COL23A1: variants seen among roughly 807,000 people sequenced by gnomAD.
The protein encoded by COL23A1 is collagen alpha-1(XXIII) chain.
Under a neutral mutation model 99.3 loss-of-function variants are expected in COL23A1, and 97 were observed. The observed-to-expected ratio is 0.98, with a 90% CI of 0.83 to 1.16. The LOEUF (loss-of-function observed/expected upper bound fraction) is 1.16. Ranked by LOEUF, COL23A1 falls within the 50% of genes most tolerant of loss-of-function variation. The pLI is 0.00. For synonymous variants in COL23A1, 320 were observed against 308.2 expected, an observed-to-expected ratio of 1.04 and a Z score of -0.40; for missense variants, 762 against 757.4, an observed-to-expected ratio of 1.01 and a Z score of -0.07.
chr5:178,562,214 C>G (rs1372328394), intron 1 of COL23A1: 1 of 352,926 alleles, frequency 2.8e-6, no homozygotes, highest in Admixed American at 3.4e-5. Context: ...CGCACTCCAG[C>G]CTGGATGCCA....
chr5:178,261,223 G>A (rs779644330), intron 11 of COL23A1, among the ~76,000 whole-genome samples: 4 of 152,004 alleles, frequency 2.6e-5, no homozygotes, highest in Admixed American at 1.3e-4. Flanking sequence ...GACTAGCCTG[G>A]CCAACATGGT....
chr5:178,563,354 AG>A (rs1285216531), intron 1 of COL23A1, among the ~76,000 whole-genome samples: 1 of 151,990 alleles, frequency 6.6e-6, no homozygotes, highest in African/African-American at 2.4e-5. Flanking sequence ...TGCTCCACCC[AG>A]GCGCAGCAGA....
rs7702955 is a variant in COL23A1 at position 178,498,253 on chromosome 5, T to A, written c.361+62429A>T. ...ATATATATATATATATATATATATA[T>A]ATATAAAAGAACTTAAAAATAAAAA... On this transcript the variant is annotated intron_variant, in intron 2 of 28. Coordinates refer to ENST00000390654, the MANE Select transcript of COL23A1 (RefSeq NM_173465.4). 9.2e-3 allele frequency among the ~76,000 whole-genome samples: 547 copies of A among 59,204 alleles called. 37 individuals are homozygous for A. The highest frequency in any genetic ancestry group is 0.067 in the African/African-American group (519 of 7,724). The allele number at this position is 59,204 out of a possible 152,430, so 38.8% of individuals were successfully genotyped here. A position where few individuals can be genotyped will look rare whatever the true frequency, so the allele number is the denominator to read the frequency against.
chr5:178,491,024 CAAAG>C (rs1562019398), intron 2 of COL23A1, among the ~76,000 whole-genome samples: 2 of 145,960 alleles, frequency 1.4e-5, no homozygotes. Context: ...CAGCGAGAGA[CAAAG>C]AAAGCTAAGA....
intron 1 of COL23A1, among the ~76,000 whole-genome samples, chr5:178,585,566 G>T (rs993625478): frequency 2.6e-5 from 4 of 151,840 alleles, no homozygotes; most frequent in Admixed American, 6.6e-5. Context: ...TGATGCTGGG[G>T]GTAACACTCC....
intron 2 of COL23A1, among the ~76,000 whole-genome samples, chr5:178,355,663 G>C (rs761237372): frequency 6.6e-6 from 1 of 152,212 alleles, no homozygotes; most frequent in Non-Finnish European, 1.5e-5. Flanking sequence ...CTCCCGAGTA[G>C]CTGGGACCAC....
chr5:178,415,781 G>A lies in COL23A1; in HGVS notation c.362-108862C>T, dbSNP rs986293222. On this transcript the variant is annotated intron_variant, in intron 2 of 28. Transcript: ENST00000390654. This position sits in a 1 kb window ranked among gnomAD's most constrained non-coding sequence, Gnocchi z 4.6. The stretch of plus-strand genomic sequence containing the variant: ...GCCCACAGAGAGCTCCCAGCCTAGC[G>A]GGAGGTAGACAGGCAAACAAGAAAG... 6.6e-6 allele frequency among the ~76,000 whole-genome samples: 1 copy of A among 152,288 alleles called. No individual in the cohort carries two copies.
At chr5:178,494,225 T>C (rs1758078447) in intron 2 of COL23A1, among the ~76,000 whole-genome samples, 1 of 152,212 alleles carries the variant, frequency 6.6e-6, no homozygotes, top group Non-Finnish European at 1.5e-5. Context: ...TGAGCTTTCA[T>C]TCTCCGACAA....
At chr5:178,486,390 G>A (rs959418107) in intron 2 of COL23A1, among the ~76,000 whole-genome samples, 5 of 152,180 alleles carry the variant, frequency 3.3e-5, no homozygotes, top group African/African-American at 1.2e-4. Context: ...AAGATCCAGC[G>A]CAGAGAATAC....
chr5:178,406,878 AAAC>A (rs1235568900), intron 2 of COL23A1, among the ~76,000 whole-genome samples: 4 of 152,202 alleles, frequency 2.6e-5, no homozygotes, highest in African/African-American at 9.7e-5. Context: ...ACAATAATTA[AAAC>A]AACTTGGCAA....
intron 2 of COL23A1, among the ~76,000 whole-genome samples, chr5:178,449,204 T>G (rs951341641): frequency 2.0e-5 from 3 of 152,182 alleles, no homozygotes; most frequent in Non-Finnish European, 4.4e-5. Context: ...ATCTTTGTTA[T>G]GGCAGCCCAA....
At chr5:178,432,360 C>T (rs1766310650) in intron 2 of COL23A1, among the ~76,000 whole-genome samples, 1 of 152,174 alleles carries the variant, frequency 6.6e-6, no homozygotes, top group South Asian at 2.1e-4. Flanking sequence ...AAATGACCCA[C>T]AGGTTTGCAA....
At chr5:178,581,210 G>A (rs1209499059) in intron 1 of COL23A1, among the ~76,000 whole-genome samples, 2 of 152,118 alleles carry the variant, frequency 1.3e-5, no homozygotes, top group Admixed American at 6.6e-5. Context: ...TTTCATAATG[G>A]TCCCACAGCT....
intron 2 of COL23A1, among the ~76,000 whole-genome samples, chr5:178,329,936 CAAAAA>C (rs11367167): frequency 7.4e-6 from 1 of 135,382 alleles, no homozygotes. Flanking sequence ...GATTCTGTCT[CAAAAA>C]AAAAAAAAAA....
chr5:178,490,309 C>CT (rs1361271858), intron 2 of COL23A1, among the ~76,000 whole-genome samples: 1 of 151,890 alleles, frequency 6.6e-6, no homozygotes, highest in African/African-American at 2.4e-5. Context: ...CATGGAGAAA[C>CT]TTTGAGGATA....
intron 2 of COL23A1, among the ~76,000 whole-genome samples, chr5:178,441,861 G>GGTTTC (rs1766886540): frequency 6.6e-6 from 1 of 152,100 alleles, no homozygotes; most frequent in African/African-American, 2.4e-5. Context: ...CAGCAATGAA[G>GGTTTC]GAAACCTGTG....
chr5:178,517,873 CTTTTTTTTTT>C (rs71577021), intron 2 of COL23A1, among the ~76,000 whole-genome samples: 60 of 97,710 alleles, frequency 6.1e-4, no homozygotes, highest in East Asian at 1.6e-3. Flanking sequence ...AACAGCGGTT[CTTTTTTTTTT>C]TTTTTTTTTT....
At chr5:178,272,378 G>A (rs1225648363) in intron 5 of COL23A1, among the ~76,000 whole-genome samples, 1 of 152,316 alleles carries the variant, frequency 6.6e-6, no homozygotes, top group East Asian at 1.9e-4. Context: ...CGTGGGGCTC[G>A]CGGCCAGGGC....
intron 2 of COL23A1, chr5:178,438,857 G>A (rs1315004242): frequency 1.3e-5 from 2 of 152,178 alleles, no homozygotes; most frequent in African/African-American, 2.4e-5. Flanking sequence ...GTCCCCAAAC[G>A]TGGCTGCGCG....
Sources: gnomAD v4.1 joint callset for allele counts (sites outside exome capture counted in the v4.1 genomes callset) on GRCh38, gnomAD v4.1.1 for gene constraint, Gnocchi (gnomAD v3.1) non-coding constraint, MANE v1.5 for transcripts, NCBI Gene and HGNC (gene_info 2026-07-23, HGNC 2026-07-21) for gene names.